GPC6: variants seen among roughly 807,000 people sequenced by gnomAD.
The protein encoded by GPC6 is glypican 6, also known as glypican-6.
A neutral mutation model predicts 55.2 loss-of-function variants in GPC6; 14 were observed. The observed-to-expected ratio is 0.25, with a 90% CI of 0.17 to 0.40. GPC6 has a LOEUF of 0.40. Ranked by LOEUF, GPC6 falls within the 10% of genes least tolerant of loss-of-function variation. The pLI is 1.00. For synonymous variants in GPC6, 278 were observed against 259.6 expected (o/e 1.07, Z -0.68); for missense variants, 641 against 708.5 (o/e 0.90, Z 1.08).
intron 2 of GPC6, among the ~76,000 whole-genome samples, chr13:93,816,810 A>G (rs1886869002): frequency 6.6e-6 from 1 of 152,092 alleles, no homozygotes; most frequent in African/African-American, 2.4e-5. Context: ...CATATTCACA[A>G]ATTATTTACA....
At chr13:94,286,558 T>C in intron 5 of GPC6, 79 bp downstream of exon 5, 1 of 1,252,026 alleles carries the variant, frequency 8.0e-7, no homozygotes, top group Non-Finnish European at 1.2e-6. Flanking sequence ...TAACTAGATA[T>C]GTCGGCTGGG....
At chr13:93,713,378 G>T (rs185147058) in intron 2 of GPC6, among the ~76,000 whole-genome samples, 1 of 151,444 alleles carries the variant, frequency 6.6e-6, no homozygotes, top group Admixed American at 6.6e-5. Context: ...CTTTTAAAAA[G>T]CCAATAAAAT....
chr13:93,746,689 A>ATATG (rs1884411510), intron 2 of GPC6, among the ~76,000 whole-genome samples: 1 of 152,146 alleles, frequency 6.6e-6, no homozygotes. Context: ...AGGTGTCTAT[A>ATATG]GCATAGCAGC....
intron 4 of GPC6, among the ~76,000 whole-genome samples, chr13:94,176,989 A>G (rs1359953346): frequency 1.3e-5 from 2 of 152,236 alleles, no homozygotes; most frequent in Non-Finnish European, 2.9e-5. Flanking sequence ...AAATGCTTTA[A>G]AACTATTTTT....
At chr13:93,383,109 T>G (rs1379398563) in intron 1 of GPC6, among the ~76,000 whole-genome samples, 2 of 152,226 alleles carry the variant, frequency 1.3e-5, no homozygotes, top group African/African-American at 4.8e-5. Context: ...CCTAAATGTT[T>G]GCTTGAGGAG....
chr13:94,152,315 C>CAT (rs1887770220), intron 4 of GPC6, among the ~76,000 whole-genome samples: 1 of 152,142 alleles, frequency 6.6e-6, no homozygotes, highest in Non-Finnish European at 1.5e-5. Flanking sequence ...GATTTGGAGA[C>CAT]ATATAACATG....
chr13:94,230,728 T>C (rs189356867), intron 4 of GPC6, among the ~76,000 whole-genome samples: 7 of 152,286 alleles, frequency 4.6e-5, no homozygotes, highest in Admixed American at 4.6e-4. Context: ...CCTAAAAGTG[T>C]TCAGCATACA....
At chr13:94,353,785 C>T (rs1465129111) in intron 6 of GPC6, among the ~76,000 whole-genome samples, 10 of 152,092 alleles carry the variant, frequency 6.6e-5, no homozygotes, top group Admixed American at 3.3e-4. Flanking sequence ...TATTAAATTA[C>T]GGAACTAAAG....
intron 3 of GPC6, among the ~76,000 whole-genome samples, chr13:93,929,072 C>G (rs1048654997): frequency 1.3e-5 from 2 of 152,154 alleles, no homozygotes; most frequent in Non-Finnish European, 2.9e-5. Flanking sequence ...TTGACAATCT[C>G]ATCACCCCTG....
intron 2 of GPC6, among the ~76,000 whole-genome samples, chr13:93,711,687 T>C (rs1883073697): frequency 6.6e-6 from 1 of 151,586 alleles, no homozygotes; most frequent in Non-Finnish European, 1.5e-5. Context: ...AAACCAAGAG[T>C]CAGCTTCCTT....
At chr13:93,482,930 A>G (rs1879572155) in intron 1 of GPC6, among the ~76,000 whole-genome samples, 1 of 152,086 alleles carries the variant, frequency 6.6e-6, no homozygotes, top group African/African-American at 2.4e-5. Context: ...GTGGTCTGTA[A>G]GTCTGCTTGC....
intron 2 of GPC6, among the ~76,000 whole-genome samples, chr13:93,638,819 A>G (rs1284182572): frequency 6.6e-6 from 1 of 152,180 alleles, no homozygotes; most frequent in Non-Finnish European, 1.5e-5. Context: ...ATATAGTATA[A>G]TATCTCAAAA....
At chr13:93,323,190 A>C (rs75998391) in intron 1 of GPC6, among the ~76,000 whole-genome samples, 4,136 of 152,292 alleles carry the variant, frequency 0.027, 190 homozygotes, top group African/African-American at 0.092. Context: ...TATAAATTTC[A>C]TAGTAGTCAA....
At chr13:93,527,679 T>C (rs1881708416) in intron 1 of GPC6, among the ~76,000 whole-genome samples, 1 of 152,130 alleles carries the variant, frequency 6.6e-6, no homozygotes, top group Non-Finnish European at 1.5e-5. Flanking sequence ...ATTGAAAAAG[T>C]GATGCCAGGG....
chr13:93,730,837 T>C (rs1343742077), intron 2 of GPC6, among the ~76,000 whole-genome samples: 1 of 152,154 alleles, frequency 6.6e-6, no homozygotes, highest in East Asian at 1.9e-4. Context: ...AACTGCGGCC[T>C]TTCTTGAAGC....
chr13:93,909,852 A>G (rs1876870639), intron 3 of GPC6, among the ~76,000 whole-genome samples: 1 of 152,006 alleles, frequency 6.6e-6, no homozygotes, highest in South Asian at 2.1e-4. Flanking sequence ...TATATAATTT[A>G]TCTCCCTCCT....
intron 4 of GPC6, among the ~76,000 whole-genome samples, chr13:94,102,253 T>A (rs1360627282): frequency 6.6e-6 from 1 of 152,160 alleles, no homozygotes; most frequent in African/African-American, 2.4e-5. Context: ...GCCAGGACTC[T>A]CCCAAAGCTG....
Position 93,743,394 on chromosome 13 carries a change from C to A in GPC6, c.320-86760C>A, listed in dbSNP as rs537399344. Among the ~76,000 whole-genome samples, 325 of 152,240 alleles carry A rather than the reference C, an allele frequency of 2.1e-3. 1 individual carries two copies. The highest frequency in any genetic ancestry group is 7.0e-3 in the African/African-American group (290 of 41,562). ...ACGATATAATGTGGCCAATACTATT[C>A]ATCCTAATAGATAAAAATAACAAAT... On this transcript the variant is annotated intron_variant, in intron 2 of 8. Coordinates refer to ENST00000377047, the MANE Select transcript of GPC6 (RefSeq NM_005708.5).
intron 1 of GPC6, among the ~76,000 whole-genome samples, chr13:93,451,844 C>T (rs1480360965): frequency 1.3e-5 from 2 of 152,120 alleles, no homozygotes; most frequent in Admixed American, 1.3e-4. Context: ...CAATGTAAAA[C>T]TCGTTAATGC....
Sources: allele counts gnomAD v4.1 joint callset (sites outside exome capture counted in the v4.1 genomes callset), GRCh38; gene constraint gnomAD v4.1.1; transcripts MANE v1.5; gene names NCBI Gene and HGNC (gene_info 2026-07-23, HGNC 2026-07-21).